RASA3: variants seen among roughly 807,000 people sequenced by gnomAD.
RASA3 encodes RAS p21 protein activator 3.
Under a neutral mutation model 110.0 loss-of-function variants are expected in RASA3, and 73 were observed. The ratio of observed to expected loss-of-function variants is 0.66; its 90% CI spans 0.55 to 0.81. The LOEUF (loss-of-function observed/expected upper bound fraction) is 0.81. RASA3 is among the 30% of genes least tolerant of loss of function. RASA3 has a pLI of 0.00. For synonymous variants in RASA3, 500 were observed against 451.4 expected (o/e 1.11, Z -1.37); for missense variants, 976 against 1,113.2 (o/e 0.88, Z 1.75).
chr13:114,017,122 GGGGCCGACATTCAAGCCCAGCTCGT>G, intron 12 of RASA3, 90 bp downstream of exon 12: 1 of 920,412 alleles, frequency 1.1e-6, no homozygotes. Flanking sequence ...CGAGGCCAGA[GGGGCCGACATTCAAGCCCAGCTCGT>G]GGTCTGGCTG....
At chr13:114,072,892 C>A (rs921734194) in intron 2 of RASA3, among the ~76,000 whole-genome samples, 1 of 138,422 alleles carries the variant, frequency 7.2e-6, no homozygotes, top group Non-Finnish European at 1.5e-5. Context: ...ATTCTCTACA[C>A]GCGGGAAAAT....
intron 4 of RASA3, among the ~76,000 whole-genome samples, chr13:114,039,924 C>T (rs1329728485): frequency 6.6e-6 from 1 of 152,190 alleles, no homozygotes; most frequent in Non-Finnish European, 1.5e-5. Context: ...ACAATGGACA[C>T]GGGAGACCAG....
Position 114,011,560 on chromosome 13 carries a change from C to G in RASA3, c.1513-312G>C, listed in dbSNP as rs922217026. Among the ~76,000 whole-genome samples the G allele has an allele frequency of 6.6e-6, 1 of 152,100 alleles. No homozygotes were observed. Among genetic ancestry groups the G allele is most frequent in the Non-Finnish European group, 1.5e-5 (1 of 68,008 alleles). ...GTCATGGCTCTGGGGCGCTGAGTCT[C>G]GGGGTGCTGAGTCTCCTGGCCCTGC... On this transcript the variant is annotated intron_variant, in intron 15 of 23. Transcript: ENST00000334062. This position sits in a 1 kb window ranked among gnomAD's most constrained non-coding sequence, Gnocchi z 4.8.
chr13:114,040,568 C>T (rs376931960), intron 4 of RASA3, among the ~76,000 whole-genome samples: 2 of 131,974 alleles, frequency 1.5e-5, no homozygotes, highest in Non-Finnish European at 3.1e-5. Flanking sequence ...CGGGCGAACA[C>T]GCACAACCCA....
intron 8 of RASA3, among the ~76,000 whole-genome samples, chr13:114,021,778 G>A (rs1176712855): frequency 6.6e-6 from 1 of 152,184 alleles, no homozygotes; most frequent in Non-Finnish European, 1.5e-5. Flanking sequence ...TCTTAGATAG[G>A]AGGGAGCCTG....
Position 114,029,586 on chromosome 13 carries a change from C to CAGTGTCATCCTGGG in RASA3, c.449+224_449+225insCCCAGGATGACACT, listed in dbSNP as rs2054105621. On this transcript the variant is annotated intron_variant, in intron 5 of 23. Coordinates refer to ENST00000334062, the MANE Select transcript of RASA3 (RefSeq NM_007368.4). ...TCCTGGTGGGCCAGGACCTCTAAAA[C>CAGTGTCATCCTGGG]GGCGTCATCCTGGGGGCCAGGACCT... Among the ~76,000 whole-genome samples the CAGTGTCATCCTGGG allele has an allele frequency of 3.0e-5, 2 of 65,990 alleles. 1 individual carries two copies. The highest frequency in any genetic ancestry group is 5.5e-5 in the Non-Finnish European group (2 of 36,220). The allele number at this position is 65,990 out of a possible 152,430, so 43.3% of individuals were successfully genotyped here.
intron 21 of RASA3, among the ~76,000 whole-genome samples, chr13:113,994,345 G>C (rs2053186258): frequency 1.3e-5 from 2 of 152,164 alleles, no homozygotes; most frequent in Non-Finnish European, 2.9e-5. Flanking sequence ...ATATATTTAT[G>C]CTGTCTGGGG....
chr13:114,027,961 A>C, intron 5 of RASA3, 34 bp from the exon 6 acceptor site: 1 of 1,572,088 alleles, frequency 6.4e-7, no homozygotes, highest in Non-Finnish European at 8.7e-7. Flanking sequence ...GTCAGGAGGG[A>C]GCGCAGACAC....
chr13:114,052,006 A>G (rs765082668), intron 3 of RASA3, 46 bp downstream of exon 3: 4 of 1,430,450 alleles, frequency 2.8e-6, no homozygotes, highest in Non-Finnish European at 2.0e-6. Flanking sequence ...CTCGCCTGGT[A>G]CAGAACAGGC....
intron 1 of RASA3, 71 bp downstream of exon 1, chr13:114,132,364 G>T: frequency 7.2e-7 from 1 of 1,398,384 alleles, no homozygotes; most frequent in Non-Finnish European, 9.4e-7. Context: ...GATCTGCGGA[G>T]GGGAGGCGGG....
chr13:114,005,034 C>T (rs1025924696), intron 18 of RASA3, among the ~76,000 whole-genome samples: 1 of 152,184 alleles, frequency 6.6e-6, no homozygotes, highest in African/African-American at 2.4e-5. Context: ...AGCCAAACGC[C>T]CCATGTTCTC....
chr13:114,046,450 A>G (rs2079054411), intron 3 of RASA3, among the ~76,000 whole-genome samples: 1 of 152,214 alleles, frequency 6.6e-6, no homozygotes, highest in African/African-American at 2.4e-5. Flanking sequence ...CAGGGTGTTG[A>G]GAGTGGCACC....
intron 18 of RASA3, among the ~76,000 whole-genome samples, chr13:114,002,198 G>A (rs1299847582): frequency 6.6e-6 from 1 of 152,248 alleles, no homozygotes; most frequent in Non-Finnish European, 1.5e-5. Flanking sequence ...GTGGGCGGGG[G>A]AGACGCACCT....
At chr13:114,023,203 A>AG (rs1378298648) in intron 8 of RASA3, among the ~76,000 whole-genome samples, 1 of 152,242 alleles carries the variant, frequency 6.6e-6, no homozygotes, top group East Asian at 1.9e-4. Context: ...AATGACCTAA[A>AG]GAAAGCAGGT....
chr13:114,040,250 C>T (rs2054370811), intron 4 of RASA3, among the ~76,000 whole-genome samples: 2 of 152,152 alleles, frequency 1.3e-5, no homozygotes. Flanking sequence ...CCTGCGCTCA[C>T]TCCGACCACA....
chr13:114,122,743 C>A (rs61971991), intron 1 of RASA3, among the ~76,000 whole-genome samples: 301 of 149,032 alleles, frequency 2.0e-3, no homozygotes, highest in South Asian at 3.5e-3. Context: ...GGTCTCCGGC[C>A]GGTCGGCCCC....
intron 22 of RASA3, among the ~76,000 whole-genome samples, chr13:113,990,753 G>A (rs2053089505): frequency 6.6e-6 from 1 of 152,252 alleles, no homozygotes; most frequent in Non-Finnish European, 1.5e-5. Flanking sequence ...GCCTGCACAT[G>A]TGAGCGTGTT....
intron 18 of RASA3, among the ~76,000 whole-genome samples, chr13:114,002,359 C>A (rs550425857): frequency 6.6e-6 from 1 of 152,304 alleles, no homozygotes; most frequent in African/African-American, 2.4e-5. Flanking sequence ...GCCGCCAGGA[C>A]AGCGCAGTTC....
chr13:113,999,484 T>G lies in RASA3; in HGVS notation c.1932+101A>C, dbSNP rs897171473. On this transcript the variant is annotated intron_variant, in intron 20 of 23. Transcript: ENST00000334062. The stretch of plus-strand genomic sequence containing the variant: ...AGACTCTGAGAAGCCTGGAGTGCAG[T>G]GGGTGGGGAAGGGTGAGCCCAGGGC... The G allele has an allele frequency of 1.8e-5, 16 of 879,054 alleles. No homozygotes were observed. In the South Asian group the frequency reaches 1.9e-4, roughly 10 times the overall value. 54.5% of individuals were successfully genotyped at this position (879,054 alleles called of 1,614,324 possible).
Sources: allele counts gnomAD v4.1 joint callset (sites outside exome capture counted in the v4.1 genomes callset), GRCh38; gene constraint gnomAD v4.1.1; non-coding constraint Gnocchi (gnomAD v3.1); transcripts MANE v1.5; gene names NCBI Gene and HGNC (gene_info 2026-07-23, HGNC 2026-07-21).